XRCC6: variants seen among roughly 807,000 people sequenced by gnomAD.
The protein encoded by XRCC6 is DNA repair protein Ku70.
In XRCC6, 5 loss-of-function variants were observed where a neutral mutation model predicts 65.7. That is an observed-to-expected ratio of 0.08 (90% confidence interval 0.04 to 0.16). The LOEUF (loss-of-function observed/expected upper bound fraction) is 0.16. Ranked by LOEUF, XRCC6 falls within the 10% of genes least tolerant of loss-of-function variation. The probability of loss-of-function intolerance (pLI) is 1.00; values close to 1 mark genes in which losing one functional copy is unlikely to be tolerated. For missense variants in XRCC6, 447 were observed against 738.1 expected, an observed-to-expected ratio of 0.61 and a Z score of 4.57; for synonymous variants, 270 against 270.6, an observed-to-expected ratio of 1.00 and a Z score of 0.02.
chr22:41,643,332 C>A (rs1601543160), intron 6 of XRCC6, among the ~76,000 whole-genome samples: 1 of 149,656 alleles, frequency 6.7e-6, no homozygotes, highest in East Asian at 2.0e-4. Flanking sequence ...TCACTTGAAC[C>A]CGGTTGGCGG....
intron 3 of XRCC6, among the ~76,000 whole-genome samples, chr22:41,629,899 G>A (rs2067720667): frequency 6.6e-6 from 1 of 151,610 alleles, no homozygotes; most frequent in African/African-American, 2.4e-5. Flanking sequence ...TCAATCTCCT[G>A]AAGTGATCCG....
chr22:41,632,726 G>T (rs1337764400), intron 3 of XRCC6, among the ~76,000 whole-genome samples: 1 of 151,968 alleles, frequency 6.6e-6, no homozygotes, highest in Non-Finnish European at 1.5e-5. Context: ...AGGAGGCCGG[G>T]GTGAGAGGAT....
At chr22:41,640,290 A>G (rs2067862002) in intron 6 of XRCC6, among the ~76,000 whole-genome samples, 1 of 152,020 alleles carries the variant, frequency 6.6e-6, no homozygotes, top group Non-Finnish European at 1.5e-5. Flanking sequence ...CTGGGACTAC[A>G]GGCACCCGCC....
intron 2 of XRCC6, among the ~76,000 whole-genome samples, chr22:41,625,373 C>T (rs1184919682): frequency 6.6e-6 from 1 of 152,066 alleles, no homozygotes; most frequent in Non-Finnish European, 1.5e-5. Flanking sequence ...CGGCTGTAAT[C>T]TCAGCACTTT....
intron 10 of XRCC6, among the ~76,000 whole-genome samples, chr22:41,657,501 TATTATTA>T (rs2068056085): frequency 7.2e-6 from 1 of 138,042 alleles, no homozygotes; most frequent in Admixed American, 7.2e-5. Flanking sequence ...TTATTATTAT[TATTATTA>T]TTATTATTAT....
chr22:41,661,815 A>G (rs2068102470), intron 12 of XRCC6: 1 of 160,068 alleles, frequency 6.2e-6, no homozygotes, highest in African/African-American at 2.4e-5. Context: ...AGCACCATTC[A>G]CAATAGCCAA....
chr22:41,636,076 A>G, intron 3 of XRCC6, 37 bp from the exon 4 acceptor site: 1 of 1,540,204 alleles, frequency 6.5e-7, no homozygotes, highest in Non-Finnish European at 8.7e-7. Flanking sequence ...GCTTCCATTT[A>G]GTGGTAAGTA....
chr22:41,623,270 T>C (rs911563553), intron 2 of XRCC6, among the ~76,000 whole-genome samples: 4 of 152,032 alleles, frequency 2.6e-5, no homozygotes, highest in African/African-American at 9.7e-5. Flanking sequence ...AGAGACAGGA[T>C]CTTGCTATGT....
chr22:41,622,521 C>G (rs1014222885), intron 2 of XRCC6, among the ~76,000 whole-genome samples: 1 of 152,144 alleles, frequency 6.6e-6, no homozygotes, highest in Admixed American at 6.6e-5. Context: ...ATAGCCTCCA[C>G]GTTTGGGAGT....
rs1212660991 is a variant in XRCC6 at position 41,627,383 on chromosome 22, G to A, written c.83-735G>A. ...CCTAGCACTTTGGGAGTCTGAGGTG[G>A]GTGGATCACCTGAGGCCGGGAGTTC... On this transcript the variant is annotated intron_variant, in intron 2 of 12. Transcript: ENST00000360079. Among the ~76,000 whole-genome samples the A allele has an allele frequency of 3.3e-5, 5 of 151,994 alleles. No individual in the cohort carries two copies. In the East Asian group the frequency reaches 9.6e-4, roughly 29 times the overall value.
chr22:41,657,111 G>A, intron 10 of XRCC6, 79 bp downstream of exon 10: 10 of 1,471,728 alleles, frequency 6.8e-6, no homozygotes, highest in Non-Finnish European at 9.0e-6. Context: ...TAGGCCAAGA[G>A]AATGGCACTA....
At chr22:41,653,747 C>A in intron 9 of XRCC6, 57 bp downstream of exon 9, 1 of 1,573,014 alleles carries the variant, frequency 6.4e-7, no homozygotes. Context: ...TTGGAATCAT[C>A]CATGGACTCC....
intron 6 of XRCC6, among the ~76,000 whole-genome samples, chr22:41,638,683 G>T (rs964755840): frequency 1.3e-5 from 2 of 148,614 alleles, no homozygotes; most frequent in African/African-American, 2.5e-5. Flanking sequence ...TACTCAGGAG[G>T]CTGAGAATCG....
chr22:41,653,990 C>G (rs966822603), intron 9 of XRCC6, among the ~76,000 whole-genome samples: 2 of 152,142 alleles, frequency 1.3e-5, no homozygotes, highest in African/African-American at 4.8e-5. Context: ...CTGCCGACAC[C>G]TTTCTTTCCA....
intron 6 of XRCC6, among the ~76,000 whole-genome samples, chr22:41,643,014 G>A (rs545426756): frequency 6.6e-6 from 1 of 152,232 alleles, no homozygotes; most frequent in Admixed American, 6.5e-5. Flanking sequence ...GTATATCTTC[G>A]AACTATACAG....
At chr22:41,661,032 C>CA (rs895301741) in intron 11 of XRCC6, among the ~76,000 whole-genome samples, 8 of 143,936 alleles carry the variant, frequency 5.6e-5, no homozygotes, top group Non-Finnish European at 9.0e-5. Context: ...GACTCCATCT[C>CA]AAAAAAAAAT....
chr22:41,651,307 A>G (rs1741927294), intron 8 of XRCC6, among the ~76,000 whole-genome samples: 1 of 148,896 alleles, frequency 6.7e-6, no homozygotes, highest in South Asian at 2.2e-4. Flanking sequence ...CAAAAAAACC[A>G]AAAGTGTTTC....
At chr22:41,653,378 TG>T in intron 8 of XRCC6, 150 bp from the exon 9 acceptor site, 1 of 714,960 alleles carries the variant, frequency 1.4e-6, no homozygotes, top group Non-Finnish European at 2.1e-6. Context: ...CACTCTATCC[TG>T]GGTGACAGAG....
At chr22:41,653,746 T>C in intron 9 of XRCC6, 56 bp downstream of exon 9, 2 of 1,574,310 alleles carry the variant, frequency 1.3e-6, no homozygotes, top group Non-Finnish European at 1.7e-6. Context: ...TTTGGAATCA[T>C]CCATGGACTC....
Sources: allele counts gnomAD v4.1 joint callset (sites outside exome capture counted in the v4.1 genomes callset), GRCh38; gene constraint gnomAD v4.1.1; transcripts MANE v1.5; gene names NCBI Gene and HGNC (gene_info 2026-07-23, HGNC 2026-07-21).